Variants in PCSK6 observed in about 807,000 individuals in gnomAD.
PCSK6 encodes proprotein convertase subtilisin/kexin type 6.
Under a neutral mutation model 123.3 loss-of-function variants are expected in PCSK6, and 85 were observed. That is an observed-to-expected ratio of 0.69 (90% CI 0.58 to 0.83). PCSK6 has a LOEUF of 0.83. PCSK6 is among the 40% of genes least tolerant of loss of function. PCSK6 has a pLI of 0.00. For synonymous variants in PCSK6, 508 were observed against 516.0 expected, an observed-to-expected ratio of 0.98 and a Z score of 0.21; for missense variants, 1,191 against 1,282.3, an observed-to-expected ratio of 0.93 and a Z score of 1.09.
intron 1 of PCSK6, among the ~76,000 whole-genome samples, chr15:101,475,875 G>A (rs1204940847): frequency 6.6e-6 from 1 of 152,084 alleles, no homozygotes; most frequent in Non-Finnish European, 1.5e-5. Context: ...ATAAGAACTG[G>A]CAAATATGAC....
At chr15:101,484,318 T>C (rs1301476079) in intron 1 of PCSK6, among the ~76,000 whole-genome samples, 1 of 152,242 alleles carries the variant, frequency 6.6e-6, no homozygotes, top group Non-Finnish European at 1.5e-5. Context: ...CCCACACTTT[T>C]ATACTTTTAC....
chr15:101,386,128 C>T (rs1219609051), intron 9 of PCSK6, among the ~76,000 whole-genome samples: 3 of 152,084 alleles, frequency 2.0e-5, no homozygotes, highest in Non-Finnish European at 2.9e-5. Context: ...ACACCGTGCT[C>T]TCGGTGCGTG....
intron 20 of PCSK6, chr15:101,307,652 C>G (rs907918008): frequency 3.4e-6 from 1 of 293,214 alleles, no homozygotes; most frequent in African/African-American, 2.2e-5. Flanking sequence ...AGCCCCCACC[C>G]CACCACACGG....
In PCSK6 at chr15:101,366,252, T is replaced by C; in HGVS notation, c.1802A>G (p.Gln601Arg). The change falls in exon 13 of 22, where the codon CAG (glutamine) becomes CGG (arginine). Residue 601 changes from glutamine to arginine, a missense_variant. Gln to Arg is a conservative substitution (Grantham distance 43, BLOSUM62 1). Coordinates refer to ENST00000611716, the MANE Select transcript of PCSK6 (RefSeq NM_002570.5). ...CAGATCTTGGATTTCCAAGGTCCAC[T>C]GCCCTTCAGCCTTTTCTCCCCAGCA... ...VHCWGEKAEG[Q>R]WTLEIQDLPS... The C allele has an allele frequency of 6.2e-7, 1 of 1,613,860 alleles. No homozygotes were observed. The highest frequency in any genetic ancestry group is 2.2e-5 in the East Asian group (1 of 44,868).
intron 11 of PCSK6, among the ~76,000 whole-genome samples, chr15:101,379,848 C>T (rs907833626): frequency 3.3e-5 from 5 of 152,202 alleles, no homozygotes; most frequent in Non-Finnish European, 7.3e-5. Context: ...TGCAGGCAGG[C>T]TCAGTGGCAG....
At chr15:101,416,288 C>T (rs1166308196) in intron 6 of PCSK6, among the ~76,000 whole-genome samples, 1 of 152,152 alleles carries the variant, frequency 6.6e-6, no homozygotes, top group Non-Finnish European at 1.5e-5. Context: ...TTGCCCCTGC[C>T]CCAGAGATCT....
intron 13 of PCSK6, among the ~76,000 whole-genome samples, chr15:101,332,871 C>T (rs1483092245): frequency 6.6e-6 from 1 of 152,158 alleles, no homozygotes; most frequent in Non-Finnish European, 1.5e-5. Context: ...TAGCAATTTC[C>T]AGGTGAATTC....
intron 6 of PCSK6, among the ~76,000 whole-genome samples, chr15:101,415,748 C>T (rs1423132506): frequency 6.6e-6 from 1 of 152,206 alleles, no homozygotes; most frequent in Admixed American, 6.5e-5. Flanking sequence ...CTTTCCTGTG[C>T]TATTTTTGTG....
chr15:101,453,527 C>T (rs571088512), intron 1 of PCSK6, among the ~76,000 whole-genome samples: 3 of 152,326 alleles, frequency 2.0e-5, no homozygotes, highest in Non-Finnish European at 4.4e-5. Context: ...GCTCCAGGAA[C>T]CCAGAACTGC....
intron 13 of PCSK6, among the ~76,000 whole-genome samples, chr15:101,351,681 AT>A (rs1430231503): frequency 6.6e-6 from 1 of 151,820 alleles, no homozygotes; most frequent in African/African-American, 2.4e-5. Flanking sequence ...ATATGTCAAT[AT>A]CTATAAATAA....
At chr15:101,454,853 G>A (rs1014818121) in intron 1 of PCSK6, among the ~76,000 whole-genome samples, 1 of 152,156 alleles carries the variant, frequency 6.6e-6, no homozygotes, top group African/African-American at 2.4e-5. Flanking sequence ...GCTGAGGCAG[G>A]AGAATCGCTT....
intron 6 of PCSK6, among the ~76,000 whole-genome samples, chr15:101,401,684 G>A (rs1020203748): frequency 6.6e-6 from 1 of 152,210 alleles, no homozygotes; most frequent in African/African-American, 2.4e-5. Flanking sequence ...CATATGTAGA[G>A]GGATGTCAAA....
chr15:101,413,248 T>C (rs1380982169), intron 6 of PCSK6, among the ~76,000 whole-genome samples: 1 of 152,130 alleles, frequency 6.6e-6, no homozygotes, highest in African/African-American at 2.4e-5. Context: ...ATTACAAATA[T>C]AAATGGGAGA....
At chr15:101,436,876 C>T (rs763975990) in intron 2 of PCSK6, among the ~76,000 whole-genome samples, 2 of 152,150 alleles carry the variant, frequency 1.3e-5, no homozygotes, top group Non-Finnish European at 2.9e-5. Context: ...AGAAAAATCC[C>T]ACTCCCCGAC....
intron 6 of PCSK6, among the ~76,000 whole-genome samples, chr15:101,411,059 G>C (rs927540097): frequency 6.6e-6 from 1 of 152,180 alleles, no homozygotes; most frequent in Non-Finnish European, 1.5e-5. Context: ...ATAAAACTTA[G>C]AACGAACAAA....
intron 6 of PCSK6, 42 bp downstream of exon 6, chr15:101,427,850 C>T (rs1374202276): frequency 1.4e-6 from 2 of 1,475,230 alleles, no homozygotes; most frequent in East Asian, 2.5e-5. Context: ...GCTGCCCCTG[C>T]CCCAGGCCCC....
chr15:101,344,949 C>A (rs2040696457), intron 13 of PCSK6, among the ~76,000 whole-genome samples: 1 of 152,192 alleles, frequency 6.6e-6, no homozygotes, highest in Non-Finnish European at 1.5e-5. Flanking sequence ...TTAAAAAAAT[C>A]CAATATGACA....
intron 9 of PCSK6, among the ~76,000 whole-genome samples, chr15:101,385,487 C>T (rs1247700985): frequency 7.9e-5 from 12 of 152,106 alleles, no homozygotes; most frequent in African/African-American, 2.4e-4. Context: ...TAACTCTCAG[C>T]CTAAAAGAAC....
chr15:101,443,682 G>A (rs769722617), intron 1 of PCSK6, 22 bp from the exon 2 acceptor site: 75 of 1,551,960 alleles, frequency 4.8e-5, no homozygotes, highest in Non-Finnish European at 6.2e-5. Flanking sequence ...GAAGCAGAAT[G>A]CCATCAATTA....
Sources: gnomAD v4.1 joint callset for allele counts (sites outside exome capture counted in the v4.1 genomes callset) on GRCh38, gnomAD v4.1.1 for gene constraint, MANE v1.5 for transcripts, NCBI Gene and HGNC (gene_info 2026-07-23, HGNC 2026-07-21) for gene names.